The following CDH20 variants were observed in gnomAD, a reference collection of about 807,000 sequenced individuals.
The protein encoded by CDH20 is cadherin 20.
In CDH20, 29 loss-of-function variants were observed where a neutral mutation model predicts 74.2. The observed-to-expected ratio is 0.39, with a 90% CI of 0.29 to 0.53. The LOEUF (loss-of-function observed/expected upper bound fraction) is 0.53, where lower values mean the gene tolerates loss of function less well. Among genes scored for constraint, CDH20 ranks in the 20% least tolerant of loss-of-function variants. The pLI is 0.69. For synonymous variants in CDH20, 469 were observed against 405.4 expected (o/e 1.16, Z -1.88); for missense variants, 988 against 1,048.3 (o/e 0.94, Z 0.79).
chr18:61,555,135 T>G lies in CDH20; in HGVS notation c.*440T>G. The G allele has an allele frequency of 1.0e-6, 1 of 996,264 alleles. No individual in the cohort carries two copies. Among genetic ancestry groups the G allele is most frequent in the Non-Finnish European group, 1.2e-6 (1 of 836,954 alleles). 61.7% of individuals were successfully genotyped at this position (996,264 alleles called of 1,614,324 possible). ...CTTATTCTCCATTTAAGAGTTTTGC[T>G]GGCTCAAACCACAGAAACCAACCCA... On this transcript the variant is annotated 3_prime_UTR_variant, in exon 12 of 12. Transcript: ENST00000262717.
At chr18:61,380,400 A>C (rs1911393976) in intron 1 of CDH20, among the ~76,000 whole-genome samples, 1 of 152,236 alleles carries the variant, frequency 6.6e-6, no homozygotes, top group Non-Finnish European at 1.5e-5. Context: ...GAAAGAGTGA[A>C]GTATATGAAA....
chr18:61,381,001 C>G (rs972566519), intron 1 of CDH20, among the ~76,000 whole-genome samples: 1 of 152,100 alleles, frequency 6.6e-6, no homozygotes, highest in South Asian at 2.1e-4. Flanking sequence ...TGCTAATTAG[C>G]CCTTCAAATT....
At chr18:61,503,495 C>G (rs1599131257) in intron 5 of CDH20, among the ~76,000 whole-genome samples, 1 of 152,310 alleles carries the variant, frequency 6.6e-6, no homozygotes, top group East Asian at 1.9e-4. Context: ...CATCACAGCC[C>G]TGGAAACCTA....
chr18:61,518,155 GA>G lies in CDH20; in HGVS notation c.1018-9806del, dbSNP rs922203505. ...ATAGATAAAACTCCCATCTCCCTGG[GA>G]AAAAACACCTGGGGGAAGGGGTGGC... On this transcript the variant is annotated intron_variant, in intron 6 of 11. Coordinates refer to ENST00000262717, the MANE Select transcript of CDH20 (RefSeq NM_031891.4). 5.3e-5 allele frequency among the ~76,000 whole-genome samples: 8 copies of G among 152,176 alleles called. No homozygotes were observed. In the East Asian group the frequency reaches 9.7e-4, roughly 18 times the overall value.
At chr18:61,420,843 C>G (rs1181746206) in intron 1 of CDH20, among the ~76,000 whole-genome samples, 3 of 152,160 alleles carry the variant, frequency 2.0e-5, no homozygotes, top group Non-Finnish European at 1.5e-5. Context: ...CGCCTGAGAT[C>G]AGGAGTTCGA....
At chr18:61,350,637 A>G (rs1362639820) in intron 1 of CDH20, among the ~76,000 whole-genome samples, 2 of 152,142 alleles carry the variant, frequency 1.3e-5, no homozygotes, top group African/African-American at 4.8e-5. Context: ...CTCTAAGAAA[A>G]ACACCAAGTC....
chr18:61,516,900 A>G (rs1227582370), intron 6 of CDH20, among the ~76,000 whole-genome samples: 1 of 152,108 alleles, frequency 6.6e-6, no homozygotes, highest in African/African-American at 2.4e-5. Flanking sequence ...ATTGAGGGCA[A>G]TGTTTTGTTT....
intron 1 of CDH20, among the ~76,000 whole-genome samples, chr18:61,389,120 C>T (rs1470292408): frequency 6.6e-6 from 1 of 152,160 alleles, no homozygotes; most frequent in Non-Finnish European, 1.5e-5. Flanking sequence ...TGGGGCTCCC[C>T]CTCTCACATC....
intron 1 of CDH20, among the ~76,000 whole-genome samples, chr18:61,345,968 G>A (rs932926564): frequency 2.6e-5 from 4 of 152,168 alleles, no homozygotes; most frequent in Non-Finnish European, 5.9e-5. Context: ...GAATATTCCA[G>A]GCAAGTGCTG....
intron 1 of CDH20, among the ~76,000 whole-genome samples, chr18:61,338,619 A>G (rs1380756274): frequency 6.6e-6 from 1 of 152,184 alleles, no homozygotes; most frequent in East Asian, 1.9e-4. Context: ...GCTATAAACT[A>G]TTACCTCCTT....
At chr18:61,501,594 A>G (rs1025442416) in intron 4 of CDH20, among the ~76,000 whole-genome samples, 6 of 152,238 alleles carry the variant, frequency 3.9e-5, no homozygotes, top group African/African-American at 7.2e-5. Flanking sequence ...AAAAGAAAAA[A>G]TACATTTCTA....
intron 11 of CDH20, among the ~76,000 whole-genome samples, chr18:61,552,018 A>G (rs970823707): frequency 6.6e-6 from 1 of 152,242 alleles, no homozygotes; most frequent in African/African-American, 2.4e-5. Context: ...AATTGAGCAG[A>G]GCTGTCATAA....
At chr18:61,508,526 T>TA (rs74428895) in intron 6 of CDH20, among the ~76,000 whole-genome samples, 150,318 of 152,220 alleles carry the variant, frequency 0.99, 74,233 homozygotes, top group Middle Eastern at 1. Context: ...AAAGAGTGGA[T>TA]AAAAAAACTG....
At chr18:61,487,722 C>A (rs984783347) in intron 1 of CDH20, among the ~76,000 whole-genome samples, 14 of 152,108 alleles carry the variant, frequency 9.2e-5, no homozygotes. Context: ...GCAACCTGAC[C>A]GCCTACAAAA....
At chr18:61,447,555 T>A (rs907881406) in intron 1 of CDH20, among the ~76,000 whole-genome samples, 1 of 152,124 alleles carries the variant, frequency 6.6e-6, no homozygotes. Context: ...GTTAGAGAAT[T>A]TCAGGAGAAA....
chr18:61,531,866 C>A (rs1012412783), intron 7 of CDH20, among the ~76,000 whole-genome samples: 2 of 152,190 alleles, frequency 1.3e-5, no homozygotes, highest in Admixed American at 6.5e-5. Flanking sequence ...GACATGTTTG[C>A]GTCCCTTTCC....
chr18:61,495,168 C>CA (rs1287425679), intron 2 of CDH20, among the ~76,000 whole-genome samples: 3 of 152,184 alleles, frequency 2.0e-5, no homozygotes, highest in African/African-American at 7.2e-5. Context: ...TACCTTCCTC[C>CA]AAATAGCTGG....
chr18:61,372,562 G>T (rs1911079016), intron 1 of CDH20, among the ~76,000 whole-genome samples: 1 of 152,048 alleles, frequency 6.6e-6, no homozygotes, highest in Non-Finnish European at 1.5e-5. Context: ...GCCCACTGGT[G>T]GTTTAACTAG....
chr18:61,544,527 G>T (rs1033885228), intron 9 of CDH20, among the ~76,000 whole-genome samples: 1 of 152,202 alleles, frequency 6.6e-6, no homozygotes, highest in Admixed American at 6.5e-5. Context: ...AGCCAGAAGC[G>T]GGGGATGGAG....
Sources: gnomAD v4.1 joint callset for allele counts (sites outside exome capture counted in the v4.1 genomes callset) on GRCh38, gnomAD v4.1.1 for gene constraint, MANE v1.5 for transcripts, NCBI Gene and HGNC (gene_info 2026-07-23, HGNC 2026-07-21) for gene names.